The following LRRC75A variants were observed in gnomAD, a reference collection of about 807,000 sequenced individuals.
The protein encoded by LRRC75A is leucine rich repeat containing 75A, also known as leucine-rich repeat-containing protein 75A.
LRRC75A carries 12 observed loss-of-function variants against 26.0 expected under a neutral mutation model. The observed-to-expected ratio is 0.46, with a 90% CI of 0.30 to 0.75. LRRC75A has a LOEUF of 0.75. LRRC75A is among the 30% of genes least tolerant of loss of function. The probability of loss-of-function intolerance (pLI) is 0.08; values close to 1 mark genes in which losing one functional copy is unlikely to be tolerated. For missense variants in LRRC75A, 410 were observed against 486.6 expected (o/e 0.84, Z 1.48); for synonymous variants, 223 against 219.3 (o/e 1.02, Z -0.15).
intron 2 of LRRC75A, among the ~76,000 whole-genome samples, chr17:16,454,389 CAAAA>C (rs1281618642): frequency 4.5e-5 from 6 of 134,018 alleles, no homozygotes; most frequent in African/African-American, 1.2e-4. Context: ...GAGACTCTGT[CAAAA>C]AACAAACAAA....
chr17:16,467,795 GA>G (rs1193886504), intron 1 of LRRC75A, among the ~76,000 whole-genome samples: 2 of 152,178 alleles, frequency 1.3e-5, no homozygotes, highest in Non-Finnish European at 2.9e-5. Context: ...CTCTTCCTGG[GA>G]ATATCAGTTC....
At chr17:16,476,667 GC>G (rs1413242249) in intron 1 of LRRC75A, among the ~76,000 whole-genome samples, 1 of 149,532 alleles carries the variant, frequency 6.7e-6, no homozygotes. Flanking sequence ...CCAAGTTCAA[GC>G]AATTCTCCTA....
At chr17:16,454,460 G>A (rs920613531) in intron 2 of LRRC75A, among the ~76,000 whole-genome samples, 3 of 151,758 alleles carry the variant, frequency 2.0e-5, no homozygotes, top group African/African-American at 7.3e-5. Context: ...GGGAGGCAGA[G>A]GGGGGCGGAT....
chr17:16,467,748 C>CG (rs1323877949), intron 1 of LRRC75A, among the ~76,000 whole-genome samples: 1 of 152,184 alleles, frequency 6.6e-6, no homozygotes, highest in Non-Finnish European at 1.5e-5. Context: ...TGCCACAAAA[C>CG]CCCACTGTGC....
chr17:16,453,776 C>T (rs2093654698), intron 2 of LRRC75A, among the ~76,000 whole-genome samples: 1 of 149,142 alleles, frequency 6.7e-6, no homozygotes. Context: ...AGTTTTTCTG[C>T]CCTTCTGCTG....
chr17:16,447,500 A>G (rs990315226), intron 3 of LRRC75A, among the ~76,000 whole-genome samples: 13 of 152,040 alleles, frequency 8.6e-5, no homozygotes, highest in African/African-American at 3.1e-4. Flanking sequence ...GTTTCGCCAC[A>G]TTGGTCAGGC....
chr17:16,467,055 T>C (rs1271041356), intron 1 of LRRC75A, among the ~76,000 whole-genome samples: 1 of 151,964 alleles, frequency 6.6e-6, no homozygotes, highest in Non-Finnish European at 1.5e-5. Context: ...CTAAAGAGAG[T>C]CACAAAAATG....
At chr17:16,469,992 G>A (rs918173017) in intron 1 of LRRC75A, among the ~76,000 whole-genome samples, 1 of 152,128 alleles carries the variant, frequency 6.6e-6, no homozygotes, top group Non-Finnish European at 1.5e-5. Flanking sequence ...CCTTCCTTCC[G>A]GAGGTCTCAG....
intron 3 of LRRC75A, among the ~76,000 whole-genome samples, chr17:16,444,416 G>T (rs571912554): frequency 6.6e-6 from 1 of 152,310 alleles, no homozygotes; most frequent in Admixed American, 6.5e-5. Flanking sequence ...GCTGATATAT[G>T]GAAGAAGTTC....
At position 16,456,097 on chromosome 17, in the gene LRRC75A, A is replaced by G. The variant is rs1329218838; in HGVS notation, c.375+6161T>C. ...AGGAAGAGGGAGAGGAGGAGGAGGA[A>G]GGGGAGGGGGAGGAGGAGGAGTAGC... On this transcript the variant is annotated intron_variant, in intron 2 of 3. Coordinates refer to ENST00000470794, the MANE Select transcript of LRRC75A (RefSeq NM_001113567.3). Among the ~76,000 whole-genome samples, 202 of 88,116 alleles carry G rather than the reference A, an allele frequency of 2.3e-3. No homozygotes were observed. The Middle Eastern group carries it at 0.028, about 12-fold the overall frequency. 57.8% of individuals were successfully genotyped at this position (88,116 alleles called of 152,430 possible).
At chr17:16,480,018 T>C (rs192857525) in intron 1 of LRRC75A, among the ~76,000 whole-genome samples, 2 of 152,226 alleles carry the variant, frequency 1.3e-5, no homozygotes, top group South Asian at 2.1e-4. Context: ...TAGGCTCTCA[T>C]AGGAGCACAA....
In LRRC75A at chr17:16,441,638, A is replaced by G. The variant is rs902093830; in HGVS notation, c.*1950T>C. 1 of 342,770 alleles carries G rather than the reference A, an allele frequency of 2.9e-6. No individual in the cohort carries two copies. The highest frequency in any genetic ancestry group is 7.6e-5 in the East Asian group (1 of 13,160). 21.2% of individuals were successfully genotyped at this position (342,770 alleles called of 1,614,324 possible). Reference sequence around the variant, plus strand: ...GCCCAGGCTGGAGTGTGGTGGCACAATCACAGCTCATTGCATCCTCAATCA... The same window carrying G: ...GCCCAGGCTGGAGTGTGGTGGCACAGTCACAGCTCATTGCATCCTCAATCA... On this transcript the variant is annotated 3_prime_UTR_variant, in exon 4 of 4. Coordinates refer to ENST00000470794, the MANE Select transcript of LRRC75A (RefSeq NM_001113567.3).
chr17:16,472,687 T>C (rs1259439284), intron 1 of LRRC75A, among the ~76,000 whole-genome samples: 1 of 152,216 alleles, frequency 6.6e-6, no homozygotes, highest in Non-Finnish European at 1.5e-5. Flanking sequence ...ATCTAACAGA[T>C]TGGCCTTCCA....
At chr17:16,456,405 AGAG>A (rs771086503) in intron 2 of LRRC75A, among the ~76,000 whole-genome samples, 23 of 129,238 alleles carry the variant, frequency 1.8e-4, no homozygotes, top group South Asian at 5.6e-4. Context: ...AAAAGGAGGA[AGAG>A]GAGGAGGAGG....
intron 1 of LRRC75A, among the ~76,000 whole-genome samples, chr17:16,464,780 G>C (rs559693342): frequency 1.3e-5 from 2 of 152,304 alleles, no homozygotes; most frequent in African/African-American, 4.8e-5. Context: ...GGACACGAGG[G>C]ACCCCGGGAC....
intron 1 of LRRC75A, among the ~76,000 whole-genome samples, chr17:16,482,982 G>A (rs554152758): frequency 1.9e-4 from 29 of 152,356 alleles, no homozygotes; most frequent in African/African-American, 6.5e-4. Context: ...AGAGGCTGGA[G>A]TGGGGACAGG....
chr17:16,474,893 T>C (rs1375278574), intron 1 of LRRC75A, among the ~76,000 whole-genome samples: 2 of 150,116 alleles, frequency 1.3e-5, no homozygotes, highest in Admixed American at 1.3e-4. Flanking sequence ...CTCGGGAGGC[T>C]GAGGCAGGAG....
rs1215074700 is a variant in LRRC75A at position 16,442,285 on chromosome 17, A to T, written c.*1303T>A. 1 of 152,230 alleles carries T rather than the reference A, an allele frequency of 6.6e-6. No individual in the cohort carries two copies. The highest frequency in any genetic ancestry group is 2.4e-5 in the African/African-American group (1 of 41,438). The allele number at this position is 152,230 out of a possible 1,614,324, so 9.4% of individuals were successfully genotyped here. On this transcript the variant is annotated 3_prime_UTR_variant, in exon 4 of 4. Transcript: ENST00000470794. The stretch of plus-strand genomic sequence containing the variant: ...CACCATTCCTAACCACAACCTTAAC[A>T]GCATGTAGGGCCCCATACTCTAGGC...
At chr17:16,458,559 G>A (rs1311279353) in intron 2 of LRRC75A, among the ~76,000 whole-genome samples, 9 of 151,848 alleles carry the variant, frequency 5.9e-5, no homozygotes, top group East Asian at 2.0e-4. Flanking sequence ...TCCGCCTGCC[G>A]GGTTCCAGTG....
Sources: allele counts gnomAD v4.1 joint callset (sites outside exome capture counted in the v4.1 genomes callset), GRCh38; gene constraint gnomAD v4.1.1; transcripts MANE v1.5; gene names NCBI Gene and HGNC (gene_info 2026-07-23, HGNC 2026-07-21).